Variants in NRXN1 observed in about 807,000 individuals in gnomAD.
NRXN1 encodes neurexin 1.
A neutral mutation model predicts 150.9 loss-of-function variants in NRXN1; 39 were observed. The ratio of observed to expected loss-of-function variants is 0.26; its 90% CI spans 0.20 to 0.34. The LOEUF is 0.34. NRXN1 is among the 10% of genes least tolerant of loss of function. NRXN1 has a pLI of 1.00. For synonymous variants in NRXN1, 924 were observed against 757.0 expected (o/e 1.22, Z -3.62); for missense variants, 1,815 against 1,949.9 (o/e 0.93, Z 1.30).
chr2:50,570,025 T>C, intron 8 of NRXN1, among the ~76,000 whole-genome samples: 1 of 152,132 alleles, frequency 6.6e-6, no homozygotes. Context: ...CTCATATACA[T>C]GTGGATTTCT....
intron 17 of NRXN1, among the ~76,000 whole-genome samples, chr2:50,285,715 G>A (rs993226229): frequency 3.9e-5 from 6 of 152,088 alleles, no homozygotes; most frequent in African/African-American, 1.4e-4. Context: ...AAGACAGCAG[G>A]TAGTAATTTA....
intron 17 of NRXN1, among the ~76,000 whole-genome samples, chr2:50,411,694 T>TGG (rs34043496): frequency 6.7e-6 from 1 of 149,662 alleles, no homozygotes; most frequent in Non-Finnish European, 1.5e-5. Flanking sequence ...GTCTGGGAGG[T>TGG]GGGGGGGCAG....
intron 21 of NRXN1, among the ~76,000 whole-genome samples, chr2:50,021,110 T>C (rs913478474): frequency 6.6e-5 from 10 of 152,186 alleles, no homozygotes; most frequent in Non-Finnish European, 1.0e-4. Context: ...TCAATAAGCT[T>C]TTGCAAAGTG....
At chr2:50,183,272 G>A (rs868119663) in intron 18 of NRXN1, among the ~76,000 whole-genome samples, 1 of 152,072 alleles carries the variant, frequency 6.6e-6, no homozygotes, top group African/African-American at 2.4e-5. Context: ...ATTGGCATCT[G>A]AGGTTTGAAA....
At chr2:50,544,658 T>G (rs1046371945) in intron 9 of NRXN1, among the ~76,000 whole-genome samples, 3 of 152,148 alleles carry the variant, frequency 2.0e-5, no homozygotes, top group Non-Finnish European at 4.4e-5. Flanking sequence ...GATAAGAATG[T>G]AAATTGAAAC....
At chr2:50,731,940 A>G (rs1490935192) in intron 5 of NRXN1, among the ~76,000 whole-genome samples, 4 of 152,154 alleles carry the variant, frequency 2.6e-5, no homozygotes, top group Non-Finnish European at 5.9e-5. Flanking sequence ...ACTGTCAGAG[A>G]AAAGGCAAAT....
chr2:50,068,952 C>G (rs1260187971), intron 19 of NRXN1, among the ~76,000 whole-genome samples: 2 of 152,116 alleles, frequency 1.3e-5, no homozygotes, highest in African/African-American at 4.8e-5. Flanking sequence ...CATCTTTATT[C>G]TCAGAGGTTT....
intron 5 of NRXN1, among the ~76,000 whole-genome samples, chr2:50,671,250 T>C (rs1027542513): frequency 9.9e-5 from 15 of 151,880 alleles, no homozygotes; most frequent in Non-Finnish European, 1.5e-4. Flanking sequence ...AACCAAGTAA[T>C]GAAGAAAAGA....
chr2:50,991,664 T>TGGAAAATAGAACC (rs1698562426), intron 2 of NRXN1, among the ~76,000 whole-genome samples: 1 of 151,970 alleles, frequency 6.6e-6, no homozygotes, highest in Non-Finnish European at 1.5e-5. Flanking sequence ...GAGAAAAACA[T>TGGAAAATAGAACC]GGAAAATAGA....
At chr2:50,372,367 G>GT (rs1458742515) in intron 17 of NRXN1, among the ~76,000 whole-genome samples, 1 of 151,974 alleles carries the variant, frequency 6.6e-6, no homozygotes, top group Non-Finnish European at 1.5e-5. Context: ...TTTTATATAG[G>GT]TTTTCCACCT....
At chr2:50,107,539 A>ATATATATATATATATATATATT (rs59921941) in intron 18 of NRXN1, among the ~76,000 whole-genome samples, 1 of 129,884 alleles carries the variant, frequency 7.7e-6, no homozygotes, top group African/African-American at 2.9e-5. Flanking sequence ...ATATATATAT[A>ATATATATATATATATATATATT]TTTTTTTTTT....
At chr2:50,576,567 T>C (rs1671463004) in intron 8 of NRXN1, among the ~76,000 whole-genome samples, 1 of 152,144 alleles carries the variant, frequency 6.6e-6, no homozygotes, top group African/African-American at 2.4e-5. Context: ...AACATTTTTT[T>C]ACTTGTAAAT....
At chr2:50,681,260 CA>C (rs1690359456) in intron 5 of NRXN1, among the ~76,000 whole-genome samples, 1 of 152,212 alleles carries the variant, frequency 6.6e-6, no homozygotes, top group African/African-American at 2.4e-5. Context: ...CTCACTTTAT[CA>C]GTCTTTCCAA....
At chr2:50,113,809 C>A (rs2152727735) in intron 18 of NRXN1, among the ~76,000 whole-genome samples, 1 of 152,204 alleles carries the variant, frequency 6.6e-6, no homozygotes, top group South Asian at 2.1e-4. Context: ...AGATTTGGGC[C>A]TTCCTATGAA....
At chr2:50,573,508 T>C (rs1392560748) in intron 8 of NRXN1, among the ~76,000 whole-genome samples, 1 of 152,056 alleles carries the variant, frequency 6.6e-6, no homozygotes, top group African/African-American at 2.4e-5. Flanking sequence ...ATAAATGTAT[T>C]AGAAGGTATA....
intron 9 of NRXN1, among the ~76,000 whole-genome samples, chr2:50,542,482 C>T (rs1436760283): frequency 1.3e-5 from 2 of 152,146 alleles, no homozygotes; most frequent in Admixed American, 1.3e-4. Flanking sequence ...ATTATGCAAA[C>T]AGACATCATA....
At chr2:50,873,025 C>G (rs1678027541) in intron 5 of NRXN1, among the ~76,000 whole-genome samples, 1 of 151,688 alleles carries the variant, frequency 6.6e-6, no homozygotes, top group Non-Finnish European at 1.5e-5. Flanking sequence ...TAATTTCCCA[C>G]TCCCCCATAT....
chr2:50,122,710 G>T (rs1454779242), intron 18 of NRXN1, among the ~76,000 whole-genome samples: 1 of 152,164 alleles, frequency 6.6e-6, no homozygotes, highest in Non-Finnish European at 1.5e-5. Flanking sequence ...CATGTTCCTT[G>T]AGAAATCTGA....
At chr2:50,316,386 A>G (rs2075607816) in intron 17 of NRXN1, among the ~76,000 whole-genome samples, 1 of 152,106 alleles carries the variant, frequency 6.6e-6, no homozygotes, top group South Asian at 2.1e-4. Flanking sequence ...GATAATTTCA[A>G]ACATTTAATA....
Sources: allele counts gnomAD v4.1 joint callset (sites outside exome capture counted in the v4.1 genomes callset), GRCh38; gene constraint gnomAD v4.1.1; transcripts MANE v1.5; gene names NCBI Gene and HGNC (gene_info 2026-07-23, HGNC 2026-07-21).